The following WWOX variants were observed in gnomAD, a reference collection of about 807,000 sequenced individuals.
WWOX encodes the protein WW domain-containing oxidoreductase.
A neutral mutation model predicts 46.2 loss-of-function variants in WWOX; 69 were observed. The observed-to-expected ratio is 1.49, with a 90% CI of 1.23 to 1.82. The LOEUF is 1.82. Ranked by LOEUF, WWOX falls within the 40% of genes most tolerant of loss-of-function variation. The probability of loss-of-function intolerance (pLI) is 0.00; values close to 1 mark genes in which losing one functional copy is unlikely to be tolerated. For missense variants in WWOX, 919 were observed against 542.6 expected, an observed-to-expected ratio of 1.69 and a Z score of -6.89; for synonymous variants, 359 against 202.6, an observed-to-expected ratio of 1.77 and a Z score of -6.56.
intron 8 of WWOX, among the ~76,000 whole-genome samples, chr16:79,182,549 T>C (rs1443459246): frequency 6.6e-6 from 1 of 152,092 alleles, no homozygotes; most frequent in African/African-American, 2.4e-5. Context: ...GGGCCTGTTA[T>C]AATGGGGTTG....
intron 8 of WWOX, among the ~76,000 whole-genome samples, chr16:78,510,549 A>C (rs1209518495): frequency 1.3e-5 from 2 of 152,290 alleles, no homozygotes; most frequent in South Asian, 4.1e-4. Context: ...GTATCAAGCA[A>C]TACTTACATG....
At chr16:79,070,927 G>A (rs1441759853) in intron 8 of WWOX, among the ~76,000 whole-genome samples, 1 of 152,154 alleles carries the variant, frequency 6.6e-6, no homozygotes, top group African/African-American at 2.4e-5. Context: ...AGAACATTTT[G>A]ACAATACACT....
intron 8 of WWOX, among the ~76,000 whole-genome samples, chr16:78,784,966 TC>T (rs1305490316): frequency 1.3e-5 from 2 of 152,094 alleles, no homozygotes; most frequent in African/African-American, 4.8e-5. Context: ...GTTCAGAAGG[TC>T]CCGTGGGCAG....
At chr16:78,733,252 T>C (rs571843064) in intron 8 of WWOX, among the ~76,000 whole-genome samples, 4 of 152,268 alleles carry the variant, frequency 2.6e-5, no homozygotes, top group East Asian at 3.9e-4. Context: ...AAAATAAATA[T>C]ACTGCCAGCC....
chr16:78,996,687 A>T (rs1334907216), intron 8 of WWOX, among the ~76,000 whole-genome samples: 1 of 152,158 alleles, frequency 6.6e-6, no homozygotes, highest in Non-Finnish European at 1.5e-5. Flanking sequence ...ACAATATGGC[A>T]AATATGGCCA....
At chr16:79,009,421 GC>G (rs1344616537) in intron 8 of WWOX, among the ~76,000 whole-genome samples, 2 of 152,038 alleles carry the variant, frequency 1.3e-5, no homozygotes, top group Non-Finnish European at 2.9e-5. Flanking sequence ...AGAGGAGTGG[GC>G]AAAAGGAGAC....
chr16:78,590,099 T>C (rs888235662), intron 8 of WWOX, among the ~76,000 whole-genome samples: 4 of 151,882 alleles, frequency 2.6e-5, no homozygotes, highest in Non-Finnish European at 5.9e-5. Flanking sequence ...GAAACACATA[T>C]AGGATAGGAA....
intron 8 of WWOX, among the ~76,000 whole-genome samples, chr16:78,742,374 G>C (rs1009087096): frequency 1.3e-5 from 2 of 152,188 alleles, no homozygotes; most frequent in South Asian, 4.1e-4. Context: ...TCTAGCTCTG[G>C]CTCAGGTTAA....
intron 8 of WWOX, among the ~76,000 whole-genome samples, chr16:79,119,653 C>T (rs781321036): frequency 1.3e-5 from 2 of 152,180 alleles, no homozygotes; most frequent in Non-Finnish European, 2.9e-5. Context: ...GGTCCAGCCA[C>T]GAAGAGAACG....
intron 8 of WWOX, among the ~76,000 whole-genome samples, chr16:78,879,211 A>G (rs1225992614): frequency 6.6e-6 from 1 of 152,184 alleles, no homozygotes; most frequent in African/African-American, 2.4e-5. Flanking sequence ...CAGTTGCAAC[A>G]TCTGGAAAAA....
chr16:78,935,787 C>T (rs1394824928), intron 8 of WWOX, among the ~76,000 whole-genome samples: 1 of 152,016 alleles, frequency 6.6e-6, no homozygotes, highest in Admixed American at 6.5e-5. Context: ...ATGGCACCTG[C>T]CTGTACCCCA....
chr16:78,545,344 G>A (rs2044003295), intron 8 of WWOX, among the ~76,000 whole-genome samples: 1 of 152,058 alleles, frequency 6.6e-6, no homozygotes. Context: ...CTCCTCGTGG[G>A]ATATATTGAG....
intron 8 of WWOX, among the ~76,000 whole-genome samples, chr16:78,812,576 A>T (rs981921307): frequency 2.0e-5 from 3 of 151,934 alleles, no homozygotes; most frequent in Admixed American, 6.6e-5. Flanking sequence ...AAAAAAAAAA[A>T]ATTGCCAGGC....
chr16:78,425,182 G>A (rs1567565601), intron 7 of WWOX, 127 bp downstream of exon 7: 3 of 1,300,898 alleles, frequency 2.3e-6, no homozygotes, highest in South Asian at 2.5e-5. Flanking sequence ...ACTCAGCTTG[G>A]CTCACTTAAT....
At chr16:78,320,846 C>G (rs1264916491) in intron 5 of WWOX, among the ~76,000 whole-genome samples, 1 of 152,164 alleles carries the variant, frequency 6.6e-6, no homozygotes, top group Non-Finnish European at 1.5e-5. Context: ...GGATTTCTGT[C>G]TTTAATTGAA....
intron 5 of WWOX, among the ~76,000 whole-genome samples, chr16:78,299,204 T>C (rs962419747): frequency 6.6e-6 from 1 of 152,194 alleles, no homozygotes; most frequent in African/African-American, 2.4e-5. Context: ...TAGCGTGAAG[T>C]GGAGGCTATT....
chr16:79,164,559 T>C (rs1361868661), intron 8 of WWOX, among the ~76,000 whole-genome samples: 1 of 152,038 alleles, frequency 6.6e-6, no homozygotes, highest in East Asian at 1.9e-4. Flanking sequence ...GTGACAGGCG[T>C]CCAGAGCAAG....
intron 8 of WWOX, among the ~76,000 whole-genome samples, chr16:78,826,794 G>C (rs1352091632): frequency 2.6e-5 from 4 of 152,152 alleles, no homozygotes; most frequent in African/African-American, 9.7e-5. Flanking sequence ...TTGAGGGGTG[G>C]TATGAGGTCA....
At chr16:79,046,637 C>G (rs555952318) in intron 8 of WWOX, among the ~76,000 whole-genome samples, 29 of 152,236 alleles carry the variant, frequency 1.9e-4, no homozygotes, top group African/African-American at 7.0e-4. Flanking sequence ...TTCTGTCTCA[C>G]CAGGAGGACT....
Sources: allele counts gnomAD v4.1 joint callset (sites outside exome capture counted in the v4.1 genomes callset), GRCh38; gene constraint gnomAD v4.1.1; transcripts MANE v1.5; gene names NCBI Gene and HGNC (gene_info 2026-07-23, HGNC 2026-07-21).